The following ABCB10 variants were observed in gnomAD, a reference collection of about 807,000 sequenced individuals.
The protein encoded by ABCB10 is ATP binding cassette subfamily B member 10.
A neutral mutation model predicts 65.4 loss-of-function variants in ABCB10; 54 were observed. That is an observed-to-expected ratio of 0.83 (90% CI 0.66 to 1.04). ABCB10 has a LOEUF of 1.04. ABCB10 is among the 50% of genes least tolerant of loss of function. The pLI, the probability that ABCB10 is intolerant of heterozygous loss-of-function variation, is 0.00. For missense variants in ABCB10, 846 were observed against 976.6 expected (o/e 0.87, Z 1.78); for synonymous variants, 418 against 406.5 (o/e 1.03, Z -0.34).
At chr1:229,525,345 T>G (rs1213827376) in intron 10 of ABCB10, among the ~76,000 whole-genome samples, 1 of 138,640 alleles carries the variant, frequency 7.2e-6, no homozygotes, top group Non-Finnish European at 1.5e-5. Context: ...CAAAGCACAT[T>G]TGTTGTTGTT....
chr1:229,556,668 C>G (rs1663254845), intron 1 of ABCB10, among the ~76,000 whole-genome samples: 1 of 152,168 alleles, frequency 6.6e-6, no homozygotes, highest in African/African-American at 2.4e-5. Flanking sequence ...CCACCAAAGC[C>G]TGACACCTAA....
intron 6 of ABCB10, among the ~76,000 whole-genome samples, chr1:229,538,484 A>G (rs1662770992): frequency 6.6e-6 from 1 of 152,180 alleles, no homozygotes; most frequent in Admixed American, 6.5e-5. Flanking sequence ...AGCAGGCTCA[A>G]TCCAGGAAAC....
At chr1:229,532,232 T>C (rs1282804092) in intron 6 of ABCB10, among the ~76,000 whole-genome samples, 1 of 152,194 alleles carries the variant, frequency 6.6e-6, no homozygotes, top group Non-Finnish European at 1.5e-5. Flanking sequence ...ATTATAGGCA[T>C]GGGCCACTGC....
At chr1:229,541,713 G>A (rs1195150706) in intron 4 of ABCB10, among the ~76,000 whole-genome samples, 1 of 152,090 alleles carries the variant, frequency 6.6e-6, no homozygotes, top group African/African-American at 2.4e-5. Flanking sequence ...GCCAAGGTGG[G>A]AGGATTACTT....
At chr1:229,537,536 T>C (rs1662746878) in intron 6 of ABCB10, among the ~76,000 whole-genome samples, 1 of 152,312 alleles carries the variant, frequency 6.6e-6, no homozygotes. Context: ...CCTGTAATCC[T>C]AGCAATTTGG....
intron 1 of ABCB10, among the ~76,000 whole-genome samples, chr1:229,554,888 T>TCA (rs1224858954): frequency 2.0e-5 from 3 of 152,150 alleles, no homozygotes; most frequent in African/African-American, 7.2e-5. Context: ...GTCACTATAT[T>TCA]CACTGTGGTC....
At chr1:229,549,686 G>C (rs1663059529) in intron 1 of ABCB10, among the ~76,000 whole-genome samples, 1 of 152,196 alleles carries the variant, frequency 6.6e-6, no homozygotes, top group Non-Finnish European at 1.5e-5. Flanking sequence ...TTCTTAGTCT[G>C]ATCAACTCTT....
Position 229,541,977 on chromosome 1 carries a change from A to C in ABCB10, c.1056+260T>G, listed in dbSNP as rs951778180. 2.0e-5 allele frequency among the ~76,000 whole-genome samples: 3 copies of C among 151,226 alleles called. No homozygotes were observed. In the South Asian group the frequency reaches 6.2e-4, roughly 31 times the overall value. On this transcript the variant is annotated intron_variant, in intron 4 of 12. Transcript: ENST00000344517. ...AAAAAAAAAAAACAAAAAAAAAAAG[A>C]AAGAAAAGAAATAGTGATAGTAACA...
At chr1:229,556,283 G>C (rs1028299513) in intron 1 of ABCB10, among the ~76,000 whole-genome samples, 2 of 151,652 alleles carry the variant, frequency 1.3e-5, no homozygotes, top group African/African-American at 4.8e-5. Context: ...GAGGCAGGAA[G>C]ATCGCTTGAA....
chr1:229,518,461 G>T, intron 12 of ABCB10, 51 bp from the exon 13 acceptor site: 1 of 1,487,616 alleles, frequency 6.7e-7, no homozygotes, highest in Non-Finnish European at 9.4e-7. Flanking sequence ...TGACACCCAT[G>T]TGCTTCCTGA....
chr1:229,525,980 T>C lies in ABCB10; in HGVS notation c.1862A>G (p.Gln621Arg). The C allele has an allele frequency of 6.2e-7, 1 of 1,614,154 alleles. No homozygotes were observed. Reference protein sequence around the residue: ...NAVAFIRNFPQGFNTVVGEKG... With the variant: ...NAVAFIRNFPRGFNTVVGEKG... ...TTCTCCAACCACAGTGTTGAACCCT[T>C]GGGGGAAATTCCGGATGAAGGCCAC... The change falls in exon 10 of 13, where the codon CAA becomes CGA. Residue 621 changes from glutamine to arginine, a missense_variant. Physicochemically the swap from Gln to Arg is conservative, Grantham distance 43 (BLOSUM62 1). Transcript: ENST00000344517.
Position 229,541,555 on chromosome 1 carries a change from C to A in ABCB10, c.1056+682G>T, listed in dbSNP as rs143202616. On this transcript the variant is annotated intron_variant, in intron 4 of 12. Coordinates refer to ENST00000344517, the MANE Select transcript of ABCB10 (RefSeq NM_012089.3). ...TTTAATTTTTGAAAAGATAACGTTGCACAGCACTGCAAAGCTAGATTTATT... is the reference window on the plus strand; with the variant it reads ...TTTAATTTTTGAAAAGATAACGTTGAACAGCACTGCAAAGCTAGATTTATT... 1.7e-3 allele frequency among the ~76,000 whole-genome samples: 261 copies of A among 152,220 alleles called. 4 individuals are homozygous for A. The highest frequency in any genetic ancestry group is 0.014 in the Admixed American group (219 of 15,288).
intron 6 of ABCB10, among the ~76,000 whole-genome samples, chr1:229,532,637 T>A (rs1170126723): frequency 1.3e-5 from 2 of 151,050 alleles, no homozygotes; most frequent in Admixed American, 1.3e-4. Flanking sequence ...TCTCAACACT[T>A]TGGGAGGCCA....
At position 229,556,203 on chromosome 1, in the gene ABCB10, C is replaced by CT. The variant is rs796857933; in HGVS notation, c.517+1932dup. Among the ~76,000 whole-genome samples the CT allele has an allele frequency of 7.9e-5, 12 of 152,236 alleles. No individual in the cohort carries two copies. In the South Asian group the frequency reaches 2.5e-3, roughly 32 times the overall value. On this transcript the variant is annotated intron_variant, in intron 1 of 12. Coordinates refer to ENST00000344517, the MANE Select transcript of ABCB10 (RefSeq NM_012089.3). Reference sequence around the variant, plus strand: ...CCACCCTGACCAACATGGAGAAACTCTGTCTCCAAAAATACAAAATTAGCC... The same window carrying CT: ...CCACCCTGACCAACATGGAGAAACTCTTGTCTCCAAAAATACAAAATTAGCC...
chr1:229,557,824 C>T (rs1336216159), intron 1 of ABCB10, among the ~76,000 whole-genome samples: 1 of 152,124 alleles, frequency 6.6e-6, no homozygotes, highest in Non-Finnish European at 1.5e-5. Context: ...CATTTTGCTG[C>T]CTAAGCCAAA....
intron 2 of ABCB10, among the ~76,000 whole-genome samples, chr1:229,548,107 T>C (rs1056208442): frequency 2.0e-5 from 3 of 151,452 alleles, no homozygotes; most frequent in Non-Finnish European, 4.4e-5. Flanking sequence ...GCTCAAGCCA[T>C]CCTCCCACCT....
At chr1:229,547,360 G>A (rs767209081) in intron 3 of ABCB10, 139 bp downstream of exon 3, 18 of 888,318 alleles carry the variant, frequency 2.0e-5, no homozygotes, top group Admixed American at 8.2e-5. Flanking sequence ...CGTTCCAGCA[G>A]CTTCTGCAAC....
Position 229,549,539 on chromosome 1 carries a change from G to A in ABCB10, c.518-105C>T, listed in dbSNP as rs548718590. 6.2e-4 allele frequency: 662 copies of A among 1,060,572 alleles called. 4 individuals carry two copies. The African/African-American group carries it at 9.6e-3, about 15-fold the overall frequency. 65.7% of individuals were successfully genotyped at this position (1,060,572 alleles called of 1,614,324 possible). ...CAAATAAGCTGTTGTCAGAGTATGCGTTGATCTCAGTCTCTAGCAGTTTCC... is the reference window on the plus strand; with the variant it reads ...CAAATAAGCTGTTGTCAGAGTATGCATTGATCTCAGTCTCTAGCAGTTTCC... On this transcript the variant is annotated intron_variant, in intron 1 of 12. Transcript: ENST00000344517.
intron 6 of ABCB10, chr1:229,535,038 TAAAAAAAAAAAAAAAA>T (rs71173739): frequency 6.3e-5 from 3 of 47,478 alleles, no homozygotes; most frequent in Non-Finnish European, 1.1e-4. Flanking sequence ...AGACTCCCTT[TAAAAAAAAAAAAAAAA>T]AAAAAAAAAA....
Sources: allele counts gnomAD v4.1 joint callset (sites outside exome capture counted in the v4.1 genomes callset), GRCh38; gene constraint gnomAD v4.1.1; transcripts MANE v1.5; gene names NCBI Gene and HGNC (gene_info 2026-07-23, HGNC 2026-07-21).